The following SPAG6 variants were observed in gnomAD, a reference collection of about 807,000 sequenced individuals.
SPAG6 encodes the protein sperm-associated antigen 6.
SPAG6 carries 49 observed loss-of-function variants against 58.5 expected under a neutral mutation model. The observed-to-expected ratio is 0.84, with a 90% CI of 0.67 to 1.06. The LOEUF is 1.06. SPAG6 is among the 50% of genes least tolerant of loss of function. The pLI, the probability that SPAG6 is intolerant of heterozygous loss-of-function variation, is 0.00. For missense variants in SPAG6, 560 were observed against 611.3 expected (o/e 0.92, Z 0.89); for synonymous variants, 233 against 225.6 (o/e 1.03, Z -0.29).
intron 8 of SPAG6, among the ~76,000 whole-genome samples, chr10:22,398,099 T>C (rs1019756766): frequency 5.9e-5 from 9 of 152,226 alleles, no homozygotes; most frequent in Non-Finnish European, 1.0e-4. Flanking sequence ...AAATAAACCC[T>C]TTTTATCATC....
intron 2 of SPAG6, among the ~76,000 whole-genome samples, chr10:22,354,993 CAAAA>C (rs1197423245): frequency 1.3e-5 from 1 of 75,510 alleles, no homozygotes. Flanking sequence ...GACTCCGTCT[CAAAA>C]AAAAAAAAAA....
In SPAG6 at chr10:22,345,706, GA is replaced by G; in HGVS notation, c.26-16del. ...AGACCCGGGTGCGGTGGGCTCCACCGACTCTCTCTCCCGCAGTGTTCGAGCA... is the reference window on the plus strand; with the variant it reads ...AGACCCGGGTGCGGTGGGCTCCACCGCTCTCTCTCCCGCAGTGTTCGAGCA... On this transcript the variant is annotated splice_polypyrimidine_tract_variant and intron_variant, in intron 1 of 10. Transcript: ENST00000376624. This position sits in a 1 kb window ranked among gnomAD's most constrained non-coding sequence, Gnocchi z 6.3. 6.2e-7 allele frequency: 1 copy of G among 1,606,010 alleles called. No homozygotes were observed. Among genetic ancestry groups the G allele is most frequent in the Non-Finnish European group, 8.5e-7 (1 of 1,176,564 alleles).
At chr10:22,388,433 T>C (rs1045758983) in intron 6 of SPAG6, among the ~76,000 whole-genome samples, 1 of 152,144 alleles carries the variant, frequency 6.6e-6, no homozygotes, top group Admixed American at 6.6e-5. Context: ...CAATTTTATG[T>C]CAGCTGGGAG....
chr10:22,385,990 T>G (rs1834055396), intron 4 of SPAG6, among the ~76,000 whole-genome samples: 2 of 152,202 alleles, frequency 1.3e-5, no homozygotes, highest in Non-Finnish European at 2.9e-5. Context: ...TATATGGGTC[T>G]GCTTGCCTGT....
At chr10:22,377,972 T>G (rs1833856960) in intron 4 of SPAG6, among the ~76,000 whole-genome samples, 1 of 151,900 alleles carries the variant, frequency 6.6e-6, no homozygotes, top group Admixed American at 6.6e-5. Flanking sequence ...TATTATTTAT[T>G]TTAAAAATTA....
Position 22,345,822 on chromosome 10 carries a change from A to G in SPAG6, c.121+4A>G. On this transcript the variant is annotated splice_donor_region_variant and intron_variant, in intron 2 of 10. Coordinates refer to ENST00000376624, the MANE Select transcript of SPAG6 (RefSeq NM_012443.4). The surrounding 1 kb of genome is among the most constrained non-coding windows in gnomAD (Gnocchi z 6.3). ...ATCGAGACGCTGCAGAACGCGGGTG[A>G]GCCCGGAGCCCGAACCCCCGTCGCC... is the stretch of plus-strand genomic sequence containing the variant. The G allele has an allele frequency of 6.2e-7, 1 of 1,611,486 alleles. No homozygotes were observed. Among genetic ancestry groups the G allele is most frequent in the Non-Finnish European group, 8.5e-7 (1 of 1,178,956 alleles).
At chr10:22,415,412 GACTA>G (rs1834845133) in intron 10 of SPAG6, among the ~76,000 whole-genome samples, 1 of 152,038 alleles carries the variant, frequency 6.6e-6, no homozygotes, top group Non-Finnish European at 1.5e-5. Flanking sequence ...TAAAATTTTT[GACTA>G]ACTCAGAGAA....
intron 10 of SPAG6, chr10:22,412,654 C>T (rs939011335): frequency 3.9e-6 from 2 of 506,768 alleles, no homozygotes; most frequent in Non-Finnish European, 6.9e-6. Flanking sequence ...CAACTGCCAT[C>T]TCCGCCTCCC....
intron 4 of SPAG6, among the ~76,000 whole-genome samples, chr10:22,374,664 T>C (rs1833777815): frequency 6.8e-6 from 1 of 147,462 alleles, no homozygotes; most frequent in African/African-American, 2.5e-5. Context: ...TGGTCTCAAC[T>C]ATTTGGGAGG....
At chr10:22,409,929 T>C (rs1257308505) in intron 9 of SPAG6, among the ~76,000 whole-genome samples, 1 of 152,200 alleles carries the variant, frequency 6.6e-6, no homozygotes, top group Non-Finnish European at 1.5e-5. Flanking sequence ...GGTCTACTGA[T>C]ACCCTGTTTT....
intron 9 of SPAG6, among the ~76,000 whole-genome samples, chr10:22,406,387 C>T (rs1834555969): frequency 1.3e-5 from 2 of 152,034 alleles, no homozygotes; most frequent in South Asian, 2.1e-4. Flanking sequence ...GCCTTCATTT[C>T]GTTATGTATC....
intron 4 of SPAG6, among the ~76,000 whole-genome samples, chr10:22,379,304 A>G (rs1241636421): frequency 1.3e-5 from 2 of 152,176 alleles, no homozygotes; most frequent in African/African-American, 4.8e-5. Flanking sequence ...AGCAGCCTCC[A>G]TGATGCCTGC....
intron 4 of SPAG6, among the ~76,000 whole-genome samples, chr10:22,375,585 CTTT>C (rs928312845): frequency 4.8e-5 from 6 of 126,162 alleles, no homozygotes; most frequent in Admixed American, 7.9e-5. Flanking sequence ...AAAGGATTTT[CTTT>C]TTTTTTTTTT....
intron 4 of SPAG6, among the ~76,000 whole-genome samples, chr10:22,381,407 C>T (rs994378901): frequency 6.6e-6 from 1 of 151,566 alleles, no homozygotes; most frequent in South Asian, 2.1e-4. Context: ...CAACAGTAGG[C>T]CTATATTCCT....
chr10:22,368,323 G>A (rs528239244), intron 3 of SPAG6, among the ~76,000 whole-genome samples, 172 bp from the exon 4 acceptor site: 92 of 152,242 alleles, frequency 6.0e-4, no homozygotes, highest in African/African-American at 2.1e-3. Context: ...GAAGCAATGA[G>A]GGCACATCAA....
In SPAG6 at chr10:22,346,112, C is replaced by G. The variant is rs140525215; in HGVS notation, c.121+294C>G. 6.8e-5 allele frequency: 99 copies of G among 1,459,942 alleles called. No homozygotes were observed. The African/African-American group carries it at 1.3e-3, about 19-fold the overall frequency. The allele number at this position is 1,459,942 out of a possible 1,614,324, so 90.4% of individuals were successfully genotyped here. A position where few individuals can be genotyped will look rare whatever the true frequency, so the allele number is the denominator to read the frequency against. On this transcript the variant is annotated intron_variant, in intron 2 of 10. Transcript: ENST00000376624. ...GGAGTCATTTTACGTGAATGGGACT[C>G]TACCCTAATGAGACCCATTTTATCC...
intron 8 of SPAG6, among the ~76,000 whole-genome samples, chr10:22,398,134 AG>A (rs1330925136): frequency 6.6e-6 from 1 of 152,254 alleles, no homozygotes; most frequent in African/African-American, 2.4e-5. Flanking sequence ...AAAGATGCCA[AG>A]GCAATTTAAT....
At chr10:22,367,137 T>C (rs1480061422) in intron 3 of SPAG6, among the ~76,000 whole-genome samples, 5 of 151,950 alleles carry the variant, frequency 3.3e-5, no homozygotes, top group African/African-American at 1.2e-4. Flanking sequence ...CTGGAATTAA[T>C]AGTGACTATT....
At chr10:22,392,555 A>G (rs1048788455) in intron 8 of SPAG6, among the ~76,000 whole-genome samples, 11 of 152,290 alleles carry the variant, frequency 7.2e-5, no homozygotes, top group African/African-American at 1.7e-4. Flanking sequence ...TTAAAAAAAA[A>G]GAAATAAAAT....
Sources: gnomAD v4.1 joint callset for allele counts (sites outside exome capture counted in the v4.1 genomes callset) on GRCh38, gnomAD v4.1.1 for gene constraint, Gnocchi (gnomAD v3.1) non-coding constraint, MANE v1.5 for transcripts, NCBI Gene and HGNC (gene_info 2026-07-23, HGNC 2026-07-21) for gene names.